EML5: variants seen among roughly 807,000 people sequenced by gnomAD.
EML5 encodes echinoderm microtubule-associated protein-like 5.
In EML5, 120 loss-of-function variants were observed where a neutral mutation model predicts 250.0. That is an observed-to-expected ratio of 0.48 (90% CI 0.41 to 0.56). The LOEUF is 0.56. EML5 is among the 20% of genes least tolerant of loss of function. EML5 has a pLI of 0.00. For missense variants in EML5, 2,006 were observed against 2,437.6 expected (o/e 0.82, Z 3.73); for synonymous variants, 771 against 806.5 (o/e 0.96, Z 0.75).
intron 31 of EML5, among the ~76,000 whole-genome samples, chr14:88,641,335 T>C (rs775084938): frequency 2.6e-5 from 4 of 151,922 alleles, no homozygotes; most frequent in African/African-American, 7.2e-5. Flanking sequence ...AATATTCCCA[T>C]AGAAAACTAC....
chr14:88,770,480 C>G (rs1346664804), intron 1 of EML5, among the ~76,000 whole-genome samples: 1 of 151,756 alleles, frequency 6.6e-6, no homozygotes, highest in Non-Finnish European at 1.5e-5. Flanking sequence ...CCATTCAGTA[C>G]AGAGAAAAAA....
In EML5 at chr14:88,615,551, C is replaced by T. The variant is rs1210708952; in HGVS notation, c.*267G>A. ...AGGTCTGCCGAAATCACACACTTCC[C>T]AATACAGGGGGACTTGGCCTTTACC... On this transcript the variant is annotated 3_prime_UTR_variant, in exon 44 of 44. Coordinates refer to ENST00000554922, the MANE Select transcript of EML5 (RefSeq NM_183387.3). 5 of 386,342 alleles carry T rather than the reference C, an allele frequency of 1.3e-5. No homozygotes were observed. The highest frequency in any genetic ancestry group is 1.4e-5 in the Non-Finnish European group (3 of 217,370). The allele number at this position is 386,342 out of a possible 1,614,324, so 23.9% of individuals were successfully genotyped here.
intron 27 of EML5, among the ~76,000 whole-genome samples, chr14:88,651,547 AT>A (rs1183261556): frequency 2.0e-5 from 3 of 152,170 alleles, no homozygotes; most frequent in Admixed American, 1.3e-4. Context: ...CCAATAAATA[AT>A]TTTTTTAAAA....
Position 88,679,354 on chromosome 14 carries a change from C to A in EML5, c.3124+2536G>T, listed in dbSNP as rs183796444. ...ATCATAAATTTAAAGACAATGTAAC[C>A]TGGAAATGCTTTCTTTAAAATAAAT... is the stretch of plus-strand genomic sequence containing the variant. On this transcript the variant is annotated intron_variant, in intron 21 of 43. Coordinates refer to ENST00000554922, the MANE Select transcript of EML5 (RefSeq NM_183387.3). 2.6e-5 allele frequency among the ~76,000 whole-genome samples: 4 copies of A among 151,804 alleles called. No homozygotes were observed. The East Asian group carries it at 7.7e-4, about 29-fold the overall frequency.
intron 1 of EML5, among the ~76,000 whole-genome samples, chr14:88,755,596 T>A (rs1595787524): frequency 6.6e-6 from 1 of 152,180 alleles, no homozygotes; most frequent in Admixed American, 6.5e-5. Context: ...ATTTTTTCTA[T>A]ATGTCAATTT....
At chr14:88,784,310 A>G (rs1357255566) in intron 1 of EML5, among the ~76,000 whole-genome samples, 2 of 152,178 alleles carry the variant, frequency 1.3e-5, no homozygotes, top group Non-Finnish European at 2.9e-5. Flanking sequence ...AATAAATGAC[A>G]TTGACATTTT....
chr14:88,769,400 C>T (rs561537158), intron 1 of EML5, among the ~76,000 whole-genome samples: 5 of 152,294 alleles, frequency 3.3e-5, no homozygotes, highest in Non-Finnish European at 7.4e-5. Context: ...TCCCCAGAAG[C>T]AGAAACTGCT....
Position 88,792,168 on chromosome 14 carries a change from C to T in EML5, c.197+139G>A. ...TTTGTAGGGTGTTAACTGGTGGACT[C>T]GGGACCAGAGAGACAGCTGCGGATT... On this transcript the variant is annotated intron_variant, in intron 1 of 43. Coordinates refer to ENST00000554922, the MANE Select transcript of EML5 (RefSeq NM_183387.3). The surrounding 1 kb of genome is among the most constrained non-coding windows in gnomAD (Gnocchi z 6.9). 5.9e-6 allele frequency: 6 copies of T among 1,019,150 alleles called. 1 individual carries two copies. The South Asian group carries it at 6.7e-5, about 11-fold the overall frequency. 63.1% of individuals were successfully genotyped at this position (1,019,150 alleles called of 1,614,324 possible). A position where few individuals can be genotyped will look rare whatever the true frequency, so the allele number is the denominator to read the frequency against.
intron 34 of EML5, 179 bp downstream of exon 34, chr14:88,627,467 A>C (rs934092339): frequency 3.6e-6 from 2 of 560,930 alleles, no homozygotes; most frequent in African/African-American, 1.9e-5. Flanking sequence ...GTGAGGTTAC[A>C]GTTCCACTGG....
intron 23 of EML5, 71 bp downstream of exon 23, chr14:88,664,422 C>T (rs1388496566): frequency 3.1e-6 from 4 of 1,281,510 alleles, no homozygotes; most frequent in Non-Finnish European, 4.2e-6. Flanking sequence ...AATCACTTTT[C>T]CGTTTCTCTA....
intron 8 of EML5, among the ~76,000 whole-genome samples, chr14:88,715,776 C>A (rs571520637): frequency 5.9e-5 from 9 of 151,848 alleles, no homozygotes; most frequent in Non-Finnish European, 1.3e-4. Flanking sequence ...TCACCTCATA[C>A]CTCAGCCTCC....
intron 8 of EML5, among the ~76,000 whole-genome samples, chr14:88,725,662 A>G (rs559515105): frequency 6.6e-6 from 1 of 152,312 alleles, no homozygotes; most frequent in South Asian, 2.1e-4. Context: ...GAAAGCACAC[A>G]ATGTGTTTTA....
At chr14:88,656,723 T>A (rs894381620) in intron 27 of EML5, among the ~76,000 whole-genome samples, 2 of 149,000 alleles carry the variant, frequency 1.3e-5, no homozygotes, top group Non-Finnish European at 2.9e-5. Context: ...ACAACCTGCC[T>A]TTTTAGAAAA....
chr14:88,663,039 T>C lies in EML5; in HGVS notation c.3490A>G (p.Ser1164Gly), dbSNP rs995685630. The C allele has an allele frequency of 8.4e-6, 13 of 1,551,332 alleles. No individual in the cohort carries two copies. The highest frequency in any genetic ancestry group is 1.7e-4 in the Middle Eastern group (1 of 6,006). ...CACCACTGTTGTCCTACCTCCACGCTGGGGATGGTTTGTTTTTTCCCTCTG... is the reference window on the plus strand; with the variant it reads ...CACCACTGTTGTCCTACCTCCACGCCGGGGATGGTTTGTTTTTTCCCTCTG... ...APRGKKQTIP[S>G]VEVEKIAWAS... Residue 1164 changes from serine to glycine, a missense_variant, in exon 24 of 44, where the codon AGC becomes GGC. Coordinates refer to ENST00000554922, the MANE Select transcript of EML5 (RefSeq NM_183387.3).
chr14:88,727,401 ATT>A (rs3055841), intron 7 of EML5, among the ~76,000 whole-genome samples: 6 of 131,674 alleles, frequency 4.6e-5, no homozygotes, highest in Non-Finnish European at 3.2e-5. Flanking sequence ...GATACACTGC[ATT>A]TTTTTTTTTT....
rs1425450759 is a variant in EML5, at chr14:88,695,468, A to T, written c.2345-14T>A. On this transcript the variant is annotated splice_polypyrimidine_tract_variant and intron_variant, in intron 15 of 43. Transcript: ENST00000554922. Reference sequence around the variant, plus strand: ...GTTTCCCATCCGCTGTGGAAAATTAATGAGAGAGATAAACTGACTATTAAC... The same window carrying T: ...GTTTCCCATCCGCTGTGGAAAATTATTGAGAGAGATAAACTGACTATTAAC... 3 of 1,604,532 alleles carry T rather than the reference A, an allele frequency of 1.9e-6. No individual in the cohort carries two copies. Among genetic ancestry groups the T allele is most frequent in the Non-Finnish European group, 2.6e-6 (3 of 1,174,104 alleles).
At chr14:88,712,600 G>C (rs961018324) in intron 9 of EML5, 117 bp from the exon 10 acceptor site, 2 of 708,820 alleles carry the variant, frequency 2.8e-6, no homozygotes, top group African/African-American at 3.6e-5. Flanking sequence ...ACCCCACTTA[G>C]AGGAAAATAC....
At position 88,702,577 on chromosome 14, in the gene EML5, C is replaced by T. The variant is rs2093236422; in HGVS notation, c.2107G>A (p.Val703Met). The change falls in exon 14 of 44, where the codon GTG becomes ATG. Residue 703 changes from valine (V) to methionine (M), a missense_variant. Around this residue, in one of 7 missense-constraint regions of EML5, gnomAD observed 1,375 missense variants for 1,590.3 expected, o/e 0.86. Coordinates refer to ENST00000554922, the MANE Select transcript of EML5 (RefSeq NM_183387.3). ...NLFYTQIGEI[V>M]YHVAAVGVIY... The stretch of plus-strand genomic sequence containing the variant: ...ACACCCACTGCTGCCACATGGTACA[C>T]AATTTCACCAATTTGAGTATAAAAC... 1 of 1,611,190 alleles carries T rather than the reference C, an allele frequency of 6.2e-7. No homozygotes were observed. Among genetic ancestry groups the T allele is most frequent in the Admixed American group, 1.7e-5 (1 of 59,606 alleles).
At chr14:88,685,194 A>C in intron 19 of EML5, 52 bp from the exon 20 acceptor site, 5 of 1,482,688 alleles carry the variant, frequency 3.4e-6, no homozygotes, top group Non-Finnish European at 4.6e-6. Context: ...CTATAATACA[A>C]CAGTGTATAT....
Sources: gnomAD v4.1 joint callset for allele counts (sites outside exome capture counted in the v4.1 genomes callset) on GRCh38, gnomAD v4.1.1 for gene constraint, gnomAD v4.1.1 regional missense constraint, Gnocchi (gnomAD v3.1) non-coding constraint, MANE v1.5 for transcripts, NCBI Gene and HGNC (gene_info 2026-07-23, HGNC 2026-07-21) for gene names.